The following TMEM89 variants were observed in gnomAD, a reference collection of about 807,000 sequenced individuals.
TMEM89 encodes the protein transmembrane protein 89.
TMEM89 carries 4 observed loss-of-function variants against 9.3 expected under a neutral mutation model. That is an observed-to-expected ratio of 0.43 (90% CI 0.21 to 0.98). The LOEUF (loss-of-function observed/expected upper bound fraction) is 0.98. TMEM89 is among the 50% of genes least tolerant of loss of function. The probability of loss-of-function intolerance (pLI) is 0.27; values close to 1 mark genes in which losing one functional copy is unlikely to be tolerated. For synonymous variants in TMEM89, 96 were observed against 92.5 expected, an observed-to-expected ratio of 1.04 and a Z score of -0.21; for missense variants, 220 against 214.7, an observed-to-expected ratio of 1.02 and a Z score of -0.15.
chr3:48,621,473 G>T lies in TMEM89; in HGVS notation c.284C>A (p.Thr95Asn). The T allele has an allele frequency of 6.2e-7, 1 of 1,613,082 alleles. No individual in the cohort carries two copies. Among genetic ancestry groups the T allele is most frequent in the Non-Finnish European group, 8.5e-7 (1 of 1,179,750 alleles). ...AAGAGCTGTGCTCACCTCACCCTTG[G>T]TGGCCTGTGAGCGCCGCCGCCCCTG... is the stretch of plus-strand genomic sequence containing the variant. ...ILQGRRRSQA[T>N]KGEHPQVTTE... is the part of the protein sequence containing the mutation. Residue 95 changes from threonine (T) to asparagine (N), a missense_variant, in exon 1 of 2, where the codon ACC (threonine) becomes AAC (asparagine). Thr to Asn is a moderately conservative substitution (Grantham distance 65). Transcript: ENST00000330862.
Position 48,621,627 on chromosome 3 carries a change from T to C in TMEM89, c.130A>G (p.Ser44Gly), listed in dbSNP as rs762390546. 2.0e-5 allele frequency: 32 copies of C among 1,613,764 alleles called. No individual in the cohort carries two copies. Among genetic ancestry groups the C allele is most frequent in the Non-Finnish European group, 2.6e-5 (31 of 1,179,974 alleles). The change falls in exon 1 of 2, where the codon AGT becomes GGT. Residue 44 changes from serine (S) to glycine (G), a missense_variant. Physicochemically the swap from Ser to Gly is moderately conservative, Grantham distance 56. Coordinates refer to ENST00000330862, the MANE Select transcript of TMEM89 (RefSeq NM_001008269.3). ...AGGCCACCCCTACAGCCCTCCACAC[T>C]CTTTGGCTGACACCCCCAGGGCTGC... is the stretch of plus-strand genomic sequence containing the variant. The part of the protein sequence containing the change: ...DLQPWGCQPK[S>G]VEGCRGGLSC...
rs1441617262 is a variant in TMEM89 at position 48,620,796 on chromosome 3, TG to T, written c.*45del. 1.3e-6 allele frequency: 2 copies of T among 1,587,136 alleles called. No homozygotes were observed. The highest frequency in any genetic ancestry group is 2.7e-5 in the African/African-American group (2 of 74,466). Reference sequence around the variant, plus strand: ...CAGACAGGCCTGGAAAGAGCAGACCTGGCCCAGGACCTCAGGCTGTCAGGCA... The same window carrying T: ...CAGACAGGCCTGGAAAGAGCAGACCTGCCCAGGACCTCAGGCTGTCAGGCA... On this transcript the variant is annotated 3_prime_UTR_variant, in exon 2 of 2. Coordinates refer to ENST00000330862, the MANE Select transcript of TMEM89 (RefSeq NM_001008269.3).
At position 48,621,038 on chromosome 3, in the gene TMEM89, G is replaced by T. The variant is rs1328515672; in HGVS notation, c.295-11C>A. On this transcript the variant is annotated splice_polypyrimidine_tract_variant and intron_variant, in intron 1 of 1. Coordinates refer to ENST00000330862, the MANE Select transcript of TMEM89 (RefSeq NM_001008269.3). ...GGTCACCTGCGGATGCTGAGACCAG[G>T]ACCAAGAGGCAGGAGTGAGAATGGT... 3 of 1,611,180 alleles carry T rather than the reference G, an allele frequency of 1.9e-6. No homozygotes were observed. The highest frequency in any genetic ancestry group is 2.7e-5 in the African/African-American group (2 of 74,834).
chr3:48,620,994 A>G lies in TMEM89; in HGVS notation c.328T>C (p.Trp110Arg). The change falls in exon 2 of 2, where the codon TGG (tryptophan) becomes CGG (arginine). Residue 110 changes from tryptophan to arginine, a missense_variant. Transcript: ENST00000330862. ...PQVTTEPCGPWKRRAPISDHT... is the reference protein window; with the variant it reads ...PQVTTEPCGPRKRRAPISDHT... Reference sequence around the variant, plus strand: ...TCTGAGATTGGGGCCCGCCGTTTCCAGGGTCCGCAGGGCTCAGTGGTCACC... The same window carrying G: ...TCTGAGATTGGGGCCCGCCGTTTCCGGGGTCCGCAGGGCTCAGTGGTCACC... 1 of 1,614,090 alleles carries G rather than the reference A, an allele frequency of 6.2e-7. No individual in the cohort carries two copies. The highest frequency in any genetic ancestry group is 2.2e-5 in the East Asian group (1 of 44,886).
At position 48,621,604 on chromosome 3, in the gene TMEM89, G is replaced by T. The variant is rs2046541475; in HGVS notation, c.153C>A (p.Gly51=). The change falls in exon 1 of 2, where the codon GGC becomes GGA. Residue 51 remains glycine (G), a synonymous_variant. Coordinates refer to ENST00000330862, the MANE Select transcript of TMEM89 (RefSeq NM_001008269.3). ...CCAGCCAGTAGCCAGGACAGCTCAG[G>T]CCACCCCTACAGCCCTCCACACTCT... ...QPKSVEGCRG[G]LSCPGYWLGP... 3 of 1,613,932 alleles carry T rather than the reference G, an allele frequency of 1.9e-6. No homozygotes were observed. The highest frequency in any genetic ancestry group is 1.7e-5 in the Admixed American group (1 of 60,012).
Position 48,620,963 on chromosome 3 carries a change from G to T in TMEM89, c.359C>A (p.Thr120Asn), listed in dbSNP as rs772264985. Residue 120 changes from threonine to asparagine, a missense_variant, in exon 2 of 2, where the codon ACC becomes AAC. Coordinates refer to ENST00000330862, the MANE Select transcript of TMEM89 (RefSeq NM_001008269.3). ...WKRRAPISDH[T>N]LLRGVLHMLD... ...CATGTGCAGGACCCCACGGAGCAGG[G>T]TGTGGTCTGAGATTGGGGCCCGCCG... is the stretch of plus-strand genomic sequence containing the variant. 2 of 1,614,154 alleles carry T rather than the reference G, an allele frequency of 1.2e-6. No homozygotes were observed. Among genetic ancestry groups the T allele is most frequent in the Admixed American group, 1.7e-5 (1 of 60,030 alleles).
At chr3:48,621,344 G>C (rs1249282429) in intron 1 of TMEM89, 119 bp downstream of exon 1, 2 of 1,252,376 alleles carry the variant, frequency 1.6e-6, no homozygotes. Flanking sequence ...GGGGGTGGGG[G>C]TGTGGGAGGT....
chr3:48,621,332 C>A, intron 1 of TMEM89, 131 bp downstream of exon 1: 1 of 1,059,296 alleles, frequency 9.4e-7, no homozygotes, highest in Non-Finnish European at 1.3e-6. Flanking sequence ...GGGCTGTGAG[C>A]TGGGGGTGGG....
rs568074920 is a variant in TMEM89, at chr3:48,620,766, C to T, written c.*76G>A. ...ACTCTAAAAGCTGAAAAGGGACACA[C>T]GGTCCAGACAGGCCTGGAAAGAGCA... On this transcript the variant is annotated 3_prime_UTR_variant, in exon 2 of 2. Coordinates refer to ENST00000330862, the MANE Select transcript of TMEM89 (RefSeq NM_001008269.3). 4.7e-5 allele frequency: 68 copies of T among 1,435,752 alleles called. No homozygotes were observed. In the Admixed American group the frequency reaches 5.2e-4, roughly 11 times the overall value. The allele number at this position is 1,435,752 out of a possible 1,614,324, so 88.9% of individuals were successfully genotyped here. A position where few individuals can be genotyped will look rare whatever the true frequency, so the allele number is the denominator to read the frequency against.
chr3:48,621,456 T>C lies in TMEM89; in HGVS notation c.294+7A>G, dbSNP rs756666120. 4.3e-6 allele frequency: 7 copies of C among 1,611,548 alleles called. No homozygotes were observed. Among genetic ancestry groups the C allele is most frequent in the East Asian group, 4.5e-5 (2 of 44,822 alleles). On this transcript the variant is annotated splice_region_variant and intron_variant, in intron 1 of 1. Coordinates refer to ENST00000330862, the MANE Select transcript of TMEM89 (RefSeq NM_001008269.3). Reference sequence around the variant, plus strand: ...GGCTGTGGGGGAGAAAGAAGAGCTGTGCTCACCTCACCCTTGGTGGCCTGT... The same window carrying C: ...GGCTGTGGGGGAGAAAGAAGAGCTGCGCTCACCTCACCCTTGGTGGCCTGT...
rs201569855 is a variant in TMEM89 at position 48,621,503 on chromosome 3, A to G, written c.254T>C (p.Ile85Thr). 9.9e-6 allele frequency: 16 copies of G among 1,613,744 alleles called. No homozygotes were observed. The highest frequency in any genetic ancestry group is 1.3e-5 in the African/African-American group (1 of 74,874). Residue 85 changes from isoleucine (I) to threonine (T), a missense_variant, in exon 1 of 2, where the codon ATA (isoleucine) becomes ACA (threonine). Transcript: ENST00000330862. ...CTGTGAGCGCCGCCGCCCCTGCAGT[A>G]TCTTGCGGCAGATCATCAGCATCGT... is the stretch of plus-strand genomic sequence containing the variant. The part of the protein sequence containing the change: ...TTTMLMICRK[I>T]LQGRRRSQAT...
rs557453085 is a variant in TMEM89, at chr3:48,621,526, C to A, written c.231G>T (p.Thr77=). The part of the protein sequence containing the change: ...YPVAAVMITT[T]MLMICRKILQ... ...GTATCTTGCGGCAGATCATCAGCATCGTGGTGGTGATCATGACCGCAGCCA... is the reference window on the plus strand; with the variant it reads ...GTATCTTGCGGCAGATCATCAGCATAGTGGTGGTGATCATGACCGCAGCCA... Residue 77 remains threonine (T), a synonymous_variant, in exon 1 of 2, where the codon ACG becomes ACT. Transcript: ENST00000330862. The A allele has an allele frequency of 1.2e-6, 2 of 1,613,860 alleles. No individual in the cohort carries two copies. The highest frequency in any genetic ancestry group is 4.5e-5 in the East Asian group (2 of 44,888).
chr3:48,620,973 A>G lies in TMEM89; in HGVS notation c.349T>C (p.Ser117Pro), dbSNP rs1415315032. 8.7e-6 allele frequency: 14 copies of G among 1,613,950 alleles called. No individual in the cohort carries two copies. The highest frequency in any genetic ancestry group is 1.2e-5 in the Non-Finnish European group (14 of 1,179,996). ...ACCCCACGGAGCAGGGTGTGGTCTG[A>G]GATTGGGGCCCGCCGTTTCCAGGGT... ...CGPWKRRAPI[S>P]DHTLLRGVLH... The change falls in exon 2 of 2, where the codon TCA becomes CCA. Residue 117 changes from serine (S) to proline (P), a missense_variant. Ser to Pro is a moderately conservative substitution (Grantham distance 74). Transcript: ENST00000330862.
In TMEM89 at chr3:48,621,582, G is replaced by A. The variant is rs2046541214; in HGVS notation, c.175C>T (p.Leu59=). The A allele has an allele frequency of 1.2e-6, 2 of 1,613,892 alleles. No individual in the cohort carries two copies. The highest frequency in any genetic ancestry group is 8.5e-7 in the Non-Finnish European group (1 of 1,179,998). The change falls in exon 1 of 2, where the codon CTG becomes TTG. Residue 59 remains leucine (L), a synonymous_variant. Transcript: ENST00000330862. The part of the protein sequence containing the change: ...RGGLSCPGYW[L]GPGASRIYPV... ...TAGATGCGGCTTGCTCCAGGGCCCA[G>A]CCAGTAGCCAGGACAGCTCAGGCCA...
At position 48,621,731 on chromosome 3, in the gene TMEM89, G is replaced by GGCAGCGAGGCCAGCACAT; in HGVS notation, c.8_25dup (p.His3_Leu8dup). ...AGACGTCACCAGCAGGAGCAGCAAAGGCAGCGAGGCCAGCACATGCAGCAT... is the reference window on the plus strand; with the variant it reads ...AGACGTCACCAGCAGGAGCAGCAAAGGCAGCGAGGCCAGCACATGCAGCGAGGCCAGCACATGCAGCAT... On this transcript the variant is annotated inframe_insertion, in exon 1 of 2. Transcript: ENST00000330862. 2 of 1,613,100 alleles carry GGCAGCGAGGCCAGCACAT rather than the reference G, an allele frequency of 1.2e-6. No individual in the cohort carries two copies.
Position 48,621,450 on chromosome 3 carries a change from G to C in TMEM89, c.294+13C>G, listed in dbSNP as rs749507257. ...GGCAGGGGCTGTGGGGGAGAAAGAA[G>C]AGCTGTGCTCACCTCACCCTTGGTG... On this transcript the variant is annotated intron_variant, in intron 1 of 1. Transcript: ENST00000330862. 2.5e-5 allele frequency: 40 copies of C among 1,610,522 alleles called. No individual in the cohort carries two copies. In the Middle Eastern group the frequency reaches 5.0e-4, roughly 20 times the overall value.
At position 48,620,921 on chromosome 3, in the gene TMEM89, A is replaced by G; in HGVS notation, c.401T>C (p.Val134Ala). The G allele has an allele frequency of 6.2e-7, 1 of 1,614,078 alleles. No individual in the cohort carries two copies. Among genetic ancestry groups the G allele is most frequent in the Non-Finnish European group, 8.5e-7 (1 of 1,180,014 alleles). The change falls in exon 2 of 2, where the codon GTC becomes GCC. Residue 134 changes from valine to alanine, a missense_variant. Val to Ala is a moderately conservative substitution (Grantham distance 64). Coordinates refer to ENST00000330862, the MANE Select transcript of TMEM89 (RefSeq NM_001008269.3). ...GVLHMLDALL[V>A]HIEGHLRHLA... ...ATGACGTAGGTGGCCTTCGATGTGG[A>G]CCAGGAGGGCATCCAGCATGTGCAG...
chr3:48,621,368 T>C (rs535492724), intron 1 of TMEM89, 95 bp downstream of exon 1: 6 of 1,465,470 alleles, frequency 4.1e-6, no homozygotes, highest in South Asian at 2.4e-5. Context: ...CAGGCCAGTG[T>C]GGACCCATGG....
At chr3:48,621,362 C>T (rs1197672855) in intron 1 of TMEM89, 101 bp downstream of exon 1, 5 of 1,426,810 alleles carry the variant, frequency 3.5e-6, no homozygotes, top group Non-Finnish European at 4.8e-6. Flanking sequence ...GGTCCACAGG[C>T]CAGTGTGGAC....
Sources: allele counts gnomAD v4.1 joint callset, GRCh38; gene constraint gnomAD v4.1.1; transcripts MANE v1.5; gene names NCBI Gene and HGNC (gene_info 2026-07-23, HGNC 2026-07-21).